PPFIA2: variants seen among roughly 807,000 people sequenced by gnomAD.
PPFIA2 encodes the protein PPFI scaffold protein A2, also known as liprin-alpha-2.
Under a neutral mutation model 175.5 loss-of-function variants are expected in PPFIA2, and 46 were observed. That is an observed-to-expected ratio of 0.26 (90% CI 0.21 to 0.34). The LOEUF (loss-of-function observed/expected upper bound fraction) is 0.34. PPFIA2 is among the 10% of genes least tolerant of loss of function. The pLI, the probability that PPFIA2 is intolerant of heterozygous loss-of-function variation, is 1.00. For synonymous variants in PPFIA2, 568 were observed against 511.4 expected (o/e 1.11, Z -1.49); for missense variants, 1,179 against 1,506.1 (o/e 0.78, Z 3.60).
chr12:81,740,040 CT>C (rs1429072847), intron 3 of PPFIA2, among the ~76,000 whole-genome samples: 3 of 152,030 alleles, frequency 2.0e-5, no homozygotes, highest in Non-Finnish European at 2.9e-5. Context: ...CCTGTAGCAC[CT>C]ATTGCAAGTT....
At chr12:81,467,271 C>A (rs1285960303) in intron 4 of PPFIA2, among the ~76,000 whole-genome samples, 3 of 152,058 alleles carry the variant, frequency 2.0e-5, no homozygotes, top group Non-Finnish European at 2.9e-5. Flanking sequence ...TCTTGCTGAT[C>A]AAAAATTTAC....
Position 81,605,645 on chromosome 12 carries a change from A to G in PPFIA2, c.303+71146T>C, listed in dbSNP as rs894540606. On this transcript the variant is annotated intron_variant, in intron 4 of 32. Coordinates refer to ENST00000549396, the MANE Select transcript of PPFIA2 (RefSeq NM_003625.5). ...AGCCTGTCTGTCTATCCATCCATCC[A>G]TCCAGCTATCTATCTATCTATCTAT... 2.1e-5 allele frequency among the ~76,000 whole-genome samples: 3 copies of G among 144,502 alleles called. No individual in the cohort carries two copies. In the Admixed American group the frequency reaches 2.1e-4, roughly 10 times the overall value. 94.8% of individuals were successfully genotyped at this position (144,502 alleles called of 152,430 possible).
chr12:81,329,099 T>C (rs938661252), intron 21 of PPFIA2, among the ~76,000 whole-genome samples: 5 of 152,154 alleles, frequency 3.3e-5, no homozygotes, highest in Non-Finnish European at 7.4e-5. Context: ...CCACCATGCC[T>C]GGCCTAGCTT....
At chr12:81,445,206 T>TGGG (rs536566949) in intron 6 of PPFIA2, among the ~76,000 whole-genome samples, 23 of 20,660 alleles carry the variant, frequency 1.1e-3, no homozygotes, top group Admixed American at 1.9e-3. Flanking sequence ...AAGACCAAGG[T>TGGG]GGGGGGGGGG....
At chr12:81,264,781 G>A (rs960906112) in intron 30 of PPFIA2, among the ~76,000 whole-genome samples, 2 of 152,064 alleles carry the variant, frequency 1.3e-5, no homozygotes, top group African/African-American at 2.4e-5. Context: ...AGAGATGTCC[G>A]CTACTCTTCC....
At chr12:81,520,419 C>T (rs2062979014) in intron 4 of PPFIA2, among the ~76,000 whole-genome samples, 1 of 152,144 alleles carries the variant, frequency 6.6e-6, no homozygotes, top group South Asian at 2.1e-4. Flanking sequence ...TTGAGCCGTA[C>T]AACTGACCTT....
intron 8 of PPFIA2, 72 bp downstream of exon 8, chr12:81,405,715 G>T: frequency 3.3e-6 from 3 of 903,734 alleles, no homozygotes; most frequent in Non-Finnish European, 5.0e-6. Context: ...TCATTATGTG[G>T]TTTTTATATT....
intron 22 of PPFIA2, among the ~76,000 whole-genome samples, chr12:81,319,751 T>A (rs1381588461): frequency 6.6e-6 from 1 of 151,940 alleles, no homozygotes; most frequent in African/African-American, 2.4e-5. Context: ...TGGGAAAATC[T>A]CTCATGATCT....
At chr12:81,684,888 ATTAT>A (rs1224405455) in intron 3 of PPFIA2, among the ~76,000 whole-genome samples, 4 of 152,074 alleles carry the variant, frequency 2.6e-5, no homozygotes, top group Non-Finnish European at 5.9e-5. Context: ...AAAATGCAAA[ATTAT>A]TTAATAGTCA....
At chr12:81,458,994 G>C (rs549421134) in intron 4 of PPFIA2, among the ~76,000 whole-genome samples, 1 of 152,202 alleles carries the variant, frequency 6.6e-6, no homozygotes, top group South Asian at 2.1e-4. Flanking sequence ...AAAAGTAAAT[G>C]AATATGATGA....
chr12:81,323,527 G>C (rs1489495245), intron 22 of PPFIA2, among the ~76,000 whole-genome samples: 1 of 151,882 alleles, frequency 6.6e-6, no homozygotes, highest in African/African-American at 2.4e-5. Flanking sequence ...CCAGAAAAGA[G>C]TGTAACTCAT....
chr12:81,295,855 T>G (rs1169582032), intron 23 of PPFIA2, among the ~76,000 whole-genome samples: 1 of 151,922 alleles, frequency 6.6e-6, no homozygotes, highest in Non-Finnish European at 1.5e-5. Context: ...CTGAGCATGA[T>G]GGCGAGTGCC....
chr12:81,580,925 A>G (rs2074308149), intron 4 of PPFIA2, among the ~76,000 whole-genome samples: 1 of 151,892 alleles, frequency 6.6e-6, no homozygotes. Flanking sequence ...GCATAATTAA[A>G]TCAGATATGT....
chr12:81,696,976 A>C (rs2075968884), intron 3 of PPFIA2, among the ~76,000 whole-genome samples: 1 of 151,958 alleles, frequency 6.6e-6, no homozygotes, highest in Non-Finnish European at 1.5e-5. Flanking sequence ...TGACATGTGA[A>C]GTTAGAGAAT....
intron 4 of PPFIA2, among the ~76,000 whole-genome samples, chr12:81,662,506 A>G (rs1596146186): frequency 6.6e-6 from 1 of 152,232 alleles, no homozygotes. Flanking sequence ...ACCAGGAAGA[A>G]GTTGAATCTC....
intron 4 of PPFIA2, among the ~76,000 whole-genome samples, chr12:81,626,486 T>C (rs1001444254): frequency 6.6e-6 from 1 of 152,052 alleles, no homozygotes; most frequent in African/African-American, 2.4e-5. Flanking sequence ...TTAAGGCATG[T>C]AACCAAATAA....
chr12:81,556,576 G>A (rs1475747491), intron 4 of PPFIA2, among the ~76,000 whole-genome samples: 4 of 151,882 alleles, frequency 2.6e-5, no homozygotes, highest in African/African-American at 9.7e-5. Flanking sequence ...AAGTTGAAAA[G>A]TGGTGCTGGA....
At chr12:81,374,155 G>T (rs1022332905) in intron 11 of PPFIA2, among the ~76,000 whole-genome samples, 1 of 151,990 alleles carries the variant, frequency 6.6e-6, no homozygotes, top group African/African-American at 2.4e-5. Context: ...CTATAAAACT[G>T]CTTTCTGATT....
intron 4 of PPFIA2, among the ~76,000 whole-genome samples, chr12:81,584,234 A>G (rs1425319881): frequency 6.6e-6 from 1 of 151,940 alleles, no homozygotes; most frequent in Non-Finnish European, 1.5e-5. Flanking sequence ...TAAATATTTA[A>G]CATTAAACAA....
Sources: gnomAD v4.1 joint callset for allele counts (sites outside exome capture counted in the v4.1 genomes callset) on GRCh38, gnomAD v4.1.1 for gene constraint, MANE v1.5 for transcripts, NCBI Gene and HGNC (gene_info 2026-07-23, HGNC 2026-07-21) for gene names.